MMS22L: variants seen among roughly 807,000 people sequenced by gnomAD.
MMS22L encodes the protein protein MMS22-like.
A neutral mutation model predicts 159.1 loss-of-function variants in MMS22L; 74 were observed. The observed-to-expected ratio is 0.47, with a 90% CI of 0.39 to 0.56. The LOEUF (loss-of-function observed/expected upper bound fraction) is 0.56. MMS22L is among the 20% of genes least tolerant of loss of function. The probability of loss-of-function intolerance (pLI) is 0.00; values close to 1 mark genes in which losing one functional copy is unlikely to be tolerated. For missense variants in MMS22L, 1,351 were observed against 1,422.1 expected (o/e 0.95, Z 0.80); for synonymous variants, 517 against 506.9 (o/e 1.02, Z -0.27).
intron 4 of MMS22L, among the ~76,000 whole-genome samples, chr6:97,276,199 G>A (rs1396730193): frequency 6.6e-6 from 1 of 152,120 alleles, no homozygotes; most frequent in Non-Finnish European, 1.5e-5. Flanking sequence ...AGCTACACAA[G>A]TTAATGAACA....
intron 16 of MMS22L, among the ~76,000 whole-genome samples, chr6:97,181,335 T>C (rs902389249): frequency 6.6e-6 from 1 of 152,192 alleles, no homozygotes; most frequent in East Asian, 1.9e-4. Flanking sequence ...ATTTCTATTG[T>C]AACTTTATTC....
chr6:97,215,115 T>TATATA (rs200134288), intron 14 of MMS22L, among the ~76,000 whole-genome samples: 45 of 53,518 alleles, frequency 8.4e-4, no homozygotes, highest in African/African-American at 2.1e-3. Flanking sequence ...TATATATATA[T>TATATA]TTTTTTTTTG....
intron 11 of MMS22L, among the ~76,000 whole-genome samples, chr6:97,238,572 C>CGTGTGTGTGTGTGTGTGTGTGTGTGT (rs71740630): frequency 4.4e-5 from 4 of 91,432 alleles, no homozygotes; most frequent in African/African-American, 1.4e-4. Flanking sequence ...TGTCTCATCT[C>CGTGTGTGTGTGTGTGTGTGTGTGTGT]GTGTGTGTGT....
intron 9 of MMS22L, chr6:97,260,469 T>C (rs1286755669): frequency 6.6e-6 from 1 of 152,196 alleles, no homozygotes; most frequent in African/African-American, 2.4e-5. Flanking sequence ...TCAATACGGA[T>C]ATAATTTTCC....
Position 97,233,903 on chromosome 6 carries a change from A to G in MMS22L, c.1260T>C (p.Ile420=). Residue 420 remains isoleucine (I), a synonymous_variant, in exon 12 of 25, where the codon ATT becomes ATC. Coordinates refer to ENST00000683635, the MANE Select transcript of MMS22L (RefSeq NM_001350599.2). ...ATTCCCATAAAATGGTAACAATTGCAATGTTTGGCTCCCAGAAATCACAAA... is the reference window on the plus strand; with the variant it reads ...ATTCCCATAAAATGGTAACAATTGCGATGTTTGGCTCCCAGAAATCACAAA... ...LTLCDFWEPN[I]AIVTILWEYY... 4 of 1,611,384 alleles carry G rather than the reference A, an allele frequency of 2.5e-6. No individual in the cohort carries two copies. In the South Asian group the frequency reaches 4.4e-5, roughly 18 times the overall value.
At chr6:97,150,813 A>G (rs1022366893) in intron 23 of MMS22L, among the ~76,000 whole-genome samples, 1 of 152,178 alleles carries the variant, frequency 6.6e-6, no homozygotes, top group Non-Finnish European at 1.5e-5. Context: ...GGTAGTGGTA[A>G]GGCAGAGATA....
chr6:97,193,052 C>T (rs192530638), intron 14 of MMS22L, among the ~76,000 whole-genome samples: 2 of 152,266 alleles, frequency 1.3e-5, no homozygotes, highest in Non-Finnish European at 2.9e-5. Flanking sequence ...TGTCGCATTG[C>T]TGTATTCACT....
At position 97,231,437 on chromosome 6, in the gene MMS22L, T is replaced by C. The variant is rs747725936; in HGVS notation, c.1518A>G (p.Gln506=). ...MKSNGPHPWK[Q]VKGRIYSKFH... is the part of the protein sequence containing the mutation. ...GATACTGCATATACCTTCCTTTGAC[T>C]TGTTTCCAAGGATGAGGGCCATTGC... Residue 506 remains glutamine, a synonymous_variant, in exon 13 of 25, where the codon CAA becomes CAG. Coordinates refer to ENST00000683635, the MANE Select transcript of MMS22L (RefSeq NM_001350599.2). 4 of 1,612,564 alleles carry C rather than the reference T, an allele frequency of 2.5e-6. No individual in the cohort carries two copies. Among genetic ancestry groups the C allele is most frequent in the Non-Finnish European group, 3.4e-6 (4 of 1,178,854 alleles).
Position 97,174,274 on chromosome 6 carries a change from A to T in MMS22L, c.2680-1052T>A, listed in dbSNP as rs796627512. ...CAAAAAAAAAATAAAAAAAAAAAAAAAATAAAAAGAAAGTTTAAGTAAACT... is the reference window on the plus strand; with the variant it reads ...CAAAAAAAAAATAAAAAAAAAAAAATAATAAAAAGAAAGTTTAAGTAAACT... On this transcript the variant is annotated intron_variant, in intron 18 of 24. Transcript: ENST00000683635. 3.9e-3 allele frequency among the ~76,000 whole-genome samples: 595 copies of T among 150,636 alleles called. 2 individuals are homozygous for T. The highest frequency in any genetic ancestry group is 0.014 in the African/African-American group (544 of 40,282).
chr6:97,160,185 T>C (rs1420613840), intron 22 of MMS22L, among the ~76,000 whole-genome samples: 6 of 152,040 alleles, frequency 3.9e-5, no homozygotes, highest in Non-Finnish European at 8.8e-5. Flanking sequence ...AATTATATGA[T>C]AATCTTTACT....
chr6:97,237,113 CAAAATGAAAAGA>C (rs1264180940), intron 11 of MMS22L, among the ~76,000 whole-genome samples: 1 of 151,374 alleles, frequency 6.6e-6, no homozygotes. Context: ...TGGTAACGGG[CAAAATGAAAAGA>C]AAAATGAAAA....
At chr6:97,199,164 G>A (rs1366664954) in intron 14 of MMS22L, among the ~76,000 whole-genome samples, 2 of 152,062 alleles carry the variant, frequency 1.3e-5, no homozygotes, top group South Asian at 2.1e-4. Flanking sequence ...GTGGGGGAGC[G>A]TGCATTGCTT....
At position 97,144,441 on chromosome 6, in the gene MMS22L, T is replaced by G. The variant is rs1440550153; in HGVS notation, c.*2365A>C. The G allele has an allele frequency of 6.6e-6, 1 of 152,222 alleles. No individual in the cohort carries two copies. The highest frequency in any genetic ancestry group is 2.4e-5 in the African/African-American group (1 of 41,448). The allele number at this position is 152,222 out of a possible 1,614,324, so 9.4% of individuals were successfully genotyped here. On this transcript the variant is annotated 3_prime_UTR_variant, in exon 25 of 25. Coordinates refer to ENST00000683635, the MANE Select transcript of MMS22L (RefSeq NM_001350599.2). ...ATAAGTGGACCTGCACAGTTCAAAC[T>G]TGTGTTGCTCAAGGGTCAACTGTAT...
At chr6:97,226,087 A>T (rs1810215648) in intron 14 of MMS22L, among the ~76,000 whole-genome samples, 1 of 152,216 alleles carries the variant, frequency 6.6e-6, no homozygotes, top group African/African-American at 2.4e-5. Context: ...AGTACACAGA[A>T]ATACATTTAC....
chr6:97,178,320 C>T, intron 18 of MMS22L, 123 bp downstream of exon 18: 1 of 694,548 alleles, frequency 1.4e-6, no homozygotes, highest in South Asian at 2.8e-5. Flanking sequence ...TAATAGCAGG[C>T]AATCAATAAT....
In MMS22L at chr6:97,216,050, A is replaced by G. The variant is rs184400454; in HGVS notation, c.2039+12844T>C. ...TGTCCTCAATTTCTTTAAAATATAA[A>G]TAAAATTTCAAACAGCAGTTACTCA... On this transcript the variant is annotated intron_variant, in intron 14 of 24. Coordinates refer to ENST00000683635, the MANE Select transcript of MMS22L (RefSeq NM_001350599.2). Among the ~76,000 whole-genome samples the G allele has an allele frequency of 1.6e-4, 24 of 152,336 alleles. No individual in the cohort carries two copies. In the East Asian group the frequency reaches 4.6e-3, roughly 29 times the overall value.
At position 97,246,310 on chromosome 6, in the gene MMS22L, G is replaced by A. The variant is rs79445169; in HGVS notation, c.1182+318C>T. Among the ~76,000 whole-genome samples the A allele has an allele frequency of 1.8e-4, 27 of 152,268 alleles. 1 individual carries two copies. The East Asian group carries it at 5.2e-3, about 29-fold the overall frequency. ...ATATAGCTGAATTTTCAATGCCAAT[G>A]ACTATCTCCCTCATTGTGTCACCTA... is the stretch of plus-strand genomic sequence containing the variant. On this transcript the variant is annotated intron_variant, in intron 11 of 24. Transcript: ENST00000683635.
intron 23 of MMS22L, 104 bp from the exon 24 acceptor site, chr6:97,150,124 A>C: frequency 1.2e-6 from 1 of 818,088 alleles, no homozygotes; most frequent in Non-Finnish European, 1.8e-6. Context: ...AGATCATTTC[A>C]TAAAAGTTTA....
chr6:97,148,788 A>G (rs1323125476), intron 24 of MMS22L, among the ~76,000 whole-genome samples: 1 of 152,200 alleles, frequency 6.6e-6, no homozygotes, highest in East Asian at 1.9e-4. Context: ...TAAATGTATT[A>G]TGTTTATAAT....
Sources: gnomAD v4.1 joint callset for allele counts (sites outside exome capture counted in the v4.1 genomes callset) on GRCh38, gnomAD v4.1.1 for gene constraint, MANE v1.5 for transcripts, NCBI Gene and HGNC (gene_info 2026-07-23, HGNC 2026-07-21) for gene names.